Variants in TLK2 observed in about 807,000 individuals in gnomAD.
TLK2 encodes tousled like kinase 2.
A neutral mutation model predicts 117.3 loss-of-function variants in TLK2; 6 were observed. That is an observed-to-expected ratio of 0.05 (90% CI 0.03 to 0.10). TLK2 has a LOEUF of 0.10. Ranked by LOEUF, TLK2 falls within the 10% of genes least tolerant of loss-of-function variation. The pLI, the probability that TLK2 is intolerant of heterozygous loss-of-function variation, is 1.00. For missense variants in TLK2, 299 were observed against 901.2 expected, an observed-to-expected ratio of 0.33 and a Z score of 8.56; for synonymous variants, 257 against 316.7, an observed-to-expected ratio of 0.81 and a Z score of 2.00.
chr17:62,485,403 T>G (rs1028763754), intron 2 of TLK2, among the ~76,000 whole-genome samples: 3 of 152,186 alleles, frequency 2.0e-5, no homozygotes, highest in African/African-American at 7.2e-5. Flanking sequence ...CTCCATTACT[T>G]AGACTAAAAC....
At chr17:62,490,354 CA>C (rs2072979619) in intron 2 of TLK2, among the ~76,000 whole-genome samples, 1 of 152,142 alleles carries the variant, frequency 6.6e-6, no homozygotes, top group Admixed American at 6.6e-5. Context: ...GCCTAATCTA[CA>C]TAAACCTATA....
intron 18 of TLK2, among the ~76,000 whole-genome samples, chr17:62,601,279 A>C (rs2082855972): frequency 6.6e-6 from 1 of 152,204 alleles, no homozygotes; most frequent in Admixed American, 6.5e-5. Flanking sequence ...GATGTTCATC[A>C]GCAAAGAGTA....
At chr17:62,516,990 C>T (rs1181769152) in intron 2 of TLK2, among the ~76,000 whole-genome samples, 1 of 152,118 alleles carries the variant, frequency 6.6e-6, no homozygotes, top group African/African-American at 2.4e-5. Flanking sequence ...ACTGCAACCT[C>T]CACCTTGCAG....
chr17:62,546,749 G>C (rs1390112180), intron 7 of TLK2, among the ~76,000 whole-genome samples: 2 of 150,776 alleles, frequency 1.3e-5, no homozygotes, highest in Non-Finnish European at 3.0e-5. Context: ...TAGTAGAGAC[G>C]GGGTTTCACC....
chr17:62,608,749 G>A (rs1426379648), intron 21 of TLK2, among the ~76,000 whole-genome samples: 1 of 152,182 alleles, frequency 6.6e-6, no homozygotes, highest in East Asian at 1.9e-4. Context: ...TTCAAGATGA[G>A]ATTTGAGTGG....
At chr17:62,602,282 A>T in intron 19 of TLK2, 102 bp downstream of exon 19, 1 of 1,279,214 alleles carries the variant, frequency 7.8e-7, no homozygotes, top group Non-Finnish European at 1.1e-6. Flanking sequence ...TGCTAGGCAA[A>T]AATGCCATAA....
chr17:62,503,408 G>C lies in TLK2; in HGVS notation c.82-17365G>C, dbSNP rs547758283. 2.1e-4 allele frequency among the ~76,000 whole-genome samples: 28 copies of C among 131,646 alleles called. 1 individual carries two copies. In the East Asian group the frequency reaches 6.4e-3, roughly 30 times the overall value. 86.4% of individuals were successfully genotyped at this position (131,646 alleles called of 152,430 possible). A position where few individuals can be genotyped will look rare whatever the true frequency, so the allele number is the denominator to read the frequency against. ...AGTGGTTCAAAGCTTTTACTTTTTA[G>C]TTATAACTTTTTTTTTTTTTTTTTT... On this transcript the variant is annotated intron_variant, in intron 2 of 21. Transcript: ENST00000346027.
At chr17:62,547,786 C>T (rs762672154) in intron 7 of TLK2, among the ~76,000 whole-genome samples, 1 of 152,136 alleles carries the variant, frequency 6.6e-6, no homozygotes, top group African/African-American at 2.4e-5. Flanking sequence ...GATCCCTCTT[C>T]TATGGGATCT....
chr17:62,483,238 C>T (rs1052634380), intron 2 of TLK2, among the ~76,000 whole-genome samples: 16 of 142,522 alleles, frequency 1.1e-4, no homozygotes, highest in African/African-American at 4.3e-4. Context: ...TCAAATTTTA[C>T]ATAGTTAAGC....
At chr17:62,574,325 A>G (rs1298270552) in intron 12 of TLK2, 1 of 1,539,714 alleles carries the variant, frequency 6.5e-7, no homozygotes, top group Non-Finnish European at 8.7e-7. Flanking sequence ...AGTTTATGTT[A>G]AATGCTTATT....
At chr17:62,560,299 G>A in intron 10 of TLK2, 173 bp downstream of exon 10, 1 of 410,210 alleles carries the variant, frequency 2.4e-6, no homozygotes, top group East Asian at 4.4e-5. Context: ...ACCATCCAGA[G>A]TGTTAATTTG....
chr17:62,494,648 C>A (rs2073462967), intron 2 of TLK2, among the ~76,000 whole-genome samples: 1 of 151,674 alleles, frequency 6.6e-6, no homozygotes, highest in Non-Finnish European at 1.5e-5. Context: ...AAGTGATTCA[C>A]CTGCCTTGGC....
At chr17:62,512,688 G>A (rs1270761095) in intron 2 of TLK2, among the ~76,000 whole-genome samples, 1 of 151,760 alleles carries the variant, frequency 6.6e-6, no homozygotes. Context: ...CTTTTGATGA[G>A]CTTCCATTTA....
At chr17:62,472,010 A>C (rs866902110) in intron 1 of TLK2, among the ~76,000 whole-genome samples, 18 of 136,864 alleles carry the variant, frequency 1.3e-4, no homozygotes, top group African/African-American at 4.9e-4. Flanking sequence ...GGTTCGTGCC[A>C]TTCTCCTGCC....
upstream of TLK2, among the ~76,000 whole-genome samples, chr17:62,476,793 G>A (rs577964632): frequency 5.3e-5 from 8 of 151,926 alleles, no homozygotes; most frequent in South Asian, 8.3e-4. Flanking sequence ...TTAAGACAGT[G>A]TCATTTGGTC....
intron 2 of TLK2, among the ~76,000 whole-genome samples, chr17:62,508,705 G>A (rs1033195563): frequency 3.3e-5 from 5 of 152,152 alleles, no homozygotes; most frequent in African/African-American, 7.2e-5. Flanking sequence ...GGTGTTTCAC[G>A]CCTGTAATCG....
chr17:62,535,692 C>G (rs1036469659), intron 6 of TLK2, among the ~76,000 whole-genome samples: 1 of 151,862 alleles, frequency 6.6e-6, no homozygotes, highest in Admixed American at 6.6e-5. Context: ...TCGCTTGAAC[C>G]CAGGAGACAG....
chr17:62,495,653 T>TTATATA (rs143548926), intron 2 of TLK2, among the ~76,000 whole-genome samples: 4,913 of 137,570 alleles, frequency 0.036, 107 homozygotes, highest in East Asian at 0.1. Flanking sequence ...ATTTTAAAAA[T>TTATATA]TATATATATA....
intron 16 of TLK2, 76 bp from the exon 17 acceptor site, chr17:62,596,509 T>C (rs559584169): frequency 3.1e-5 from 33 of 1,068,684 alleles, no homozygotes; most frequent in Non-Finnish European, 4.6e-5. Flanking sequence ...AATGATTGAA[T>C]ATTTAGGAGG....
Sources: allele counts gnomAD v4.1 joint callset (sites outside exome capture counted in the v4.1 genomes callset), GRCh38; gene constraint gnomAD v4.1.1; transcripts MANE v1.5; gene names NCBI Gene and HGNC (gene_info 2026-07-23, HGNC 2026-07-21).